The following SRD5A2 variants were observed in gnomAD, a reference collection of about 807,000 sequenced individuals.
The protein encoded by SRD5A2 is steroid 5 alpha-reductase 2.
A neutral mutation model predicts 27.4 loss-of-function variants in SRD5A2; 30 were observed. That is an observed-to-expected ratio of 1.10 (90% confidence interval 0.82 to 1.49). The LOEUF is 1.49. Among genes scored for constraint, SRD5A2 ranks in the 40% most tolerant of loss-of-function variants. The probability of loss-of-function intolerance (pLI) is 0.00; values close to 1 mark genes in which losing one functional copy is unlikely to be tolerated. For missense variants in SRD5A2, 348 were observed against 323.4 expected, an observed-to-expected ratio of 1.08 and a Z score of -0.58; for synonymous variants, 141 against 133.6, an observed-to-expected ratio of 1.06 and a Z score of -0.38.
At chr2:31,535,998 T>C (rs1666019236) in intron 1 of SRD5A2, among the ~76,000 whole-genome samples, 1 of 152,224 alleles carries the variant, frequency 6.6e-6, no homozygotes, top group Non-Finnish European at 1.5e-5. Context: ...TATTGGATTA[T>C]GAGGCTGGAC....
intron 2 of SRD5A2, among the ~76,000 whole-genome samples, chr2:31,531,793 G>C (rs1665914297): frequency 6.6e-6 from 1 of 152,190 alleles, no homozygotes; most frequent in Non-Finnish European, 1.5e-5. Context: ...GATCATAATA[G>C]TAAGCCTTTA....
intron 4 of SRD5A2, chr2:31,527,428 G>A (rs1244765120): frequency 6.6e-6 from 1 of 152,312 alleles, no homozygotes; most frequent in African/African-American, 2.4e-5. Context: ...TGAGTGCCTG[G>A]CTTTGTTTTA....
chr2:31,581,120 C>A, upstream of SRD5A2: 12 of 565,598 alleles, frequency 2.1e-5, no homozygotes, highest in South Asian at 2.8e-4. Flanking sequence ...AGAACGAAGG[C>A]CTTCTTAGTT....
intron 1 of SRD5A2, among the ~76,000 whole-genome samples, chr2:31,571,014 A>T (rs1295542291): frequency 1.3e-5 from 2 of 152,252 alleles, no homozygotes; most frequent in Non-Finnish European, 2.9e-5. Context: ...AGAATTAGAA[A>T]AAAACTATTT....
At chr2:31,600,327 T>C in the SRD5A2 span, among the ~76,000 whole-genome samples, 1 of 152,042 alleles carries the variant, frequency 6.6e-6, no homozygotes, top group Admixed American at 6.6e-5. Context: ...GAATGATTTA[T>C]ATTCCTTTGG....
the SRD5A2 span, among the ~76,000 whole-genome samples, chr2:31,636,355 T>C: frequency 1.3e-5 from 2 of 152,106 alleles, no homozygotes; most frequent in Non-Finnish European, 2.9e-5. Context: ...GGCATATAAA[T>C]GCACTGATTT....
chr2:31,644,445 T>A, the SRD5A2 span, among the ~76,000 whole-genome samples: 2 of 152,240 alleles, frequency 1.3e-5, no homozygotes, highest in South Asian at 2.1e-4. Flanking sequence ...TGGAAGACAA[T>A]TTTTTGGGAG....
intron 1 of SRD5A2, among the ~76,000 whole-genome samples, chr2:31,561,083 G>A (rs968849857): frequency 2.6e-5 from 4 of 152,108 alleles, no homozygotes; most frequent in African/African-American, 9.7e-5. Context: ...GGAAAGCAAA[G>A]TGATTCCCTC....
intron 1 of SRD5A2, among the ~76,000 whole-genome samples, chr2:31,557,174 G>A (rs774458272): frequency 6.6e-6 from 1 of 152,172 alleles, no homozygotes; most frequent in Non-Finnish European, 1.5e-5. Flanking sequence ...ACCCCTGGTT[G>A]CACAAGCAAG....
intron 1 of SRD5A2, among the ~76,000 whole-genome samples, chr2:31,540,599 G>A (rs1334681332): frequency 2.6e-5 from 4 of 152,174 alleles, no homozygotes; most frequent in Admixed American, 1.3e-4. Context: ...TCCCTGCTTA[G>A]GCAATAATTG....
chr2:31,600,135 C>T, the SRD5A2 span, among the ~76,000 whole-genome samples: 1 of 152,016 alleles, frequency 6.6e-6, no homozygotes, highest in Non-Finnish European at 1.5e-5. Context: ...CCTCCAGCTC[C>T]ACCCATGTTC....
chr2:31,567,523 A>G (rs1391824234), intron 1 of SRD5A2, among the ~76,000 whole-genome samples: 1 of 151,482 alleles, frequency 6.6e-6, no homozygotes, highest in Non-Finnish European at 1.5e-5. Context: ...AAGCCATGTG[A>G]CATAAAAATA....
intron 1 of SRD5A2, among the ~76,000 whole-genome samples, chr2:31,553,828 A>G (rs1041428826): frequency 1.3e-5 from 2 of 152,176 alleles, no homozygotes; most frequent in Non-Finnish European, 2.9e-5. Context: ...ATTGATTTCA[A>G]TGGTCTAATA....
chr2:31,586,340 A>C, the SRD5A2 span, among the ~76,000 whole-genome samples: 1 of 152,186 alleles, frequency 6.6e-6, no homozygotes, highest in Admixed American at 6.5e-5. Context: ...TGCCACCCTG[A>C]AGGGAAGGGC....
At chr2:31,645,207 T>TA in the SRD5A2 span, among the ~76,000 whole-genome samples, 3 of 151,792 alleles carry the variant, frequency 2.0e-5, no homozygotes, top group East Asian at 1.9e-4. Context: ...TAATGAGTAT[T>TA]AAAAAAAACG....
chr2:31,578,033 G>A (rs1219198088), intron 1 of SRD5A2, among the ~76,000 whole-genome samples: 18 of 151,860 alleles, frequency 1.2e-4, no homozygotes, highest in Admixed American at 1.2e-3. Flanking sequence ...TGATAATGTT[G>A]GAAAATACTA....
At chr2:31,551,094 T>C (rs1292899817) in intron 1 of SRD5A2, among the ~76,000 whole-genome samples, 1 of 152,046 alleles carries the variant, frequency 6.6e-6, no homozygotes, top group Admixed American at 6.6e-5. Flanking sequence ...TTTAAAAATA[T>C]CACCAAATTT....
intron 1 of SRD5A2, among the ~76,000 whole-genome samples, chr2:31,558,124 G>A (rs1268585704): frequency 6.6e-6 from 1 of 152,190 alleles, no homozygotes; most frequent in Non-Finnish European, 1.5e-5. Context: ...TTCTATACTT[G>A]AAGAGAATCT....
chr2:31,527,399 G>A (rs6751111), intron 4 of SRD5A2, among the ~76,000 whole-genome samples: 2 of 152,264 alleles, frequency 1.3e-5, no homozygotes, highest in South Asian at 2.1e-4. Context: ...GGCTGCCTCC[G>A]CCCGTGCTGC....
Sources: gnomAD v4.1 joint callset for allele counts (sites outside exome capture counted in the v4.1 genomes callset) on GRCh38, gnomAD v4.1.1 for gene constraint, MANE v1.5 for transcripts, NCBI Gene and HGNC (gene_info 2026-07-23, HGNC 2026-07-21) for gene names.